Variants in GATAD2B observed in about 807,000 individuals in gnomAD.
GATAD2B encodes transcriptional repressor p66-beta.
A neutral mutation model predicts 64.3 loss-of-function variants in GATAD2B; 8 were observed. The ratio of observed to expected loss-of-function variants is 0.12; its 90% confidence interval spans 0.07 to 0.22. The LOEUF (loss-of-function observed/expected upper bound fraction) is 0.22, where lower values mean the gene tolerates loss of function less well. GATAD2B is among the 10% of genes least tolerant of loss of function. The probability of loss-of-function intolerance (pLI) is 1.00; values close to 1 mark genes in which losing one functional copy is unlikely to be tolerated. For synonymous variants in GATAD2B, 281 were observed against 271.3 expected, an observed-to-expected ratio of 1.04 and a Z score of -0.35; for missense variants, 453 against 752.0, an observed-to-expected ratio of 0.60 and a Z score of 4.65.
intron 5 of GATAD2B, 95 bp downstream of exon 5, chr1:153,817,945 G>T (rs1674540950): frequency 9.0e-7 from 1 of 1,107,886 alleles, no homozygotes; most frequent in East Asian, 2.7e-5. Context: ...CCTCTATCAT[G>T]GCCAGGTTCT....
chr1:153,875,921 G>A (rs780675961), intron 1 of GATAD2B, among the ~76,000 whole-genome samples: 7 of 151,956 alleles, frequency 4.6e-5, no homozygotes, highest in Non-Finnish European at 7.4e-5. Flanking sequence ...GATAAACTGA[G>A]TAACTTCATA....
intron 1 of GATAD2B, among the ~76,000 whole-genome samples, chr1:153,847,661 G>C (rs1212011945): frequency 6.6e-6 from 1 of 151,786 alleles, no homozygotes; most frequent in Non-Finnish European, 1.5e-5. Flanking sequence ...CATATACTTA[G>C]AAATTCTGTG....
At chr1:153,904,487 C>A (rs1474995233) in intron 1 of GATAD2B, among the ~76,000 whole-genome samples, 1 of 151,972 alleles carries the variant, frequency 6.6e-6, no homozygotes, top group East Asian at 1.9e-4. Context: ...GTGCTCCAAC[C>A]ATAACAAAAT....
intron 1 of GATAD2B, among the ~76,000 whole-genome samples, chr1:153,899,480 T>C (rs576035460): frequency 2.2e-4 from 33 of 151,362 alleles, no homozygotes; most frequent in South Asian, 8.4e-4. Context: ...GGCAGGAAAA[T>C]TGCTTGAACC....
intron 1 of GATAD2B, among the ~76,000 whole-genome samples, chr1:153,853,793 A>G (rs1675990899): frequency 6.6e-6 from 1 of 152,194 alleles, no homozygotes; most frequent in Non-Finnish European, 1.5e-5. Context: ...ACAGTACAAG[A>G]TAATTTCATT....
Position 153,816,059 on chromosome 1 carries a change from A to AACACACACACACACACACAC in GATAD2B, c.1216+194_1216+213dup, listed in dbSNP as rs71093286. Among the ~76,000 whole-genome samples, 79 of 141,880 alleles carry AACACACACACACACACACAC rather than the reference A, an allele frequency of 5.6e-4. No homozygotes were observed. Among genetic ancestry groups the AACACACACACACACACACAC allele is most frequent in the South Asian group, 2.1e-3 (9 of 4,294 alleles). The allele number at this position is 141,880 out of a possible 152,430, so 93.1% of individuals were successfully genotyped here. A position where few individuals can be genotyped will look rare whatever the true frequency, so the allele number is the denominator to read the frequency against. ...CAGAGCGAGACTGCATCTCAAACAAAACACACACACACACACACACACACA... is the reference window on the plus strand; with the variant it reads ...CAGAGCGAGACTGCATCTCAAACAAAACACACACACACACACACACACACACACACACACACACACACACA... On this transcript the variant is annotated intron_variant, in intron 7 of 10. Coordinates refer to ENST00000368655, the MANE Select transcript of GATAD2B (RefSeq NM_020699.4). The surrounding 1 kb of genome is among the most constrained non-coding windows in gnomAD (Gnocchi z 4.9).
intron 5 of GATAD2B, among the ~76,000 whole-genome samples, 160 bp from the exon 6 acceptor site, chr1:153,817,702 A>C (rs974710333): frequency 6.6e-6 from 1 of 152,166 alleles, no homozygotes; most frequent in Non-Finnish European, 1.5e-5. Flanking sequence ...CTATGGGATA[A>C]ATCTACCATC....
intron 1 of GATAD2B, among the ~76,000 whole-genome samples, chr1:153,837,391 C>T (rs938984143): frequency 6.2e-5 from 9 of 144,676 alleles, no homozygotes; most frequent in African/African-American, 2.3e-4. Context: ...AAAAAAAACA[C>T]AGTAGAATAG....
chr1:153,831,416 A>T (rs1420722326), intron 1 of GATAD2B, among the ~76,000 whole-genome samples: 3 of 152,146 alleles, frequency 2.0e-5, no homozygotes, highest in East Asian at 3.8e-4. Flanking sequence ...TGACGGGTTG[A>T]TAGCTGCTGC....
rs1674469810 is a variant in GATAD2B, at chr1:153,816,058, A to AC, written c.1216+214_1216+215insG. 3.0e-5 allele frequency among the ~76,000 whole-genome samples: 3 copies of AC among 98,872 alleles called. No homozygotes were observed. Among genetic ancestry groups the AC allele is most frequent in the Admixed American group, 1.1e-4 (1 of 8,808 alleles). 64.9% of individuals were successfully genotyped at this position (98,872 alleles called of 152,430 possible). A position where few individuals can be genotyped will look rare whatever the true frequency, so the allele number is the denominator to read the frequency against. On this transcript the variant is annotated intron_variant, in intron 7 of 10. Coordinates refer to ENST00000368655, the MANE Select transcript of GATAD2B (RefSeq NM_020699.4). This position sits in a 1 kb window ranked among gnomAD's most constrained non-coding sequence, Gnocchi z 4.9. ...ACAGAGCGAGACTGCATCTCAAACA[A>AC]AACACACACACACACACACACACAC...
intron 1 of GATAD2B, among the ~76,000 whole-genome samples, chr1:153,868,522 A>G (rs941144370): frequency 1.3e-5 from 2 of 152,192 alleles, no homozygotes; most frequent in East Asian, 3.9e-4. Context: ...TCTTTTTTAA[A>G]AAATTTAAAG....
chr1:153,909,737 A>G (rs1678057930), intron 1 of GATAD2B, among the ~76,000 whole-genome samples: 1 of 150,924 alleles, frequency 6.6e-6, no homozygotes, highest in Non-Finnish European at 1.5e-5. Flanking sequence ...CAGGAGTTCG[A>G]GACCAGCCTG....
intron 2 of GATAD2B, among the ~76,000 whole-genome samples, chr1:153,823,942 C>G (rs1164626555): frequency 1.3e-5 from 2 of 152,014 alleles, no homozygotes; most frequent in Non-Finnish European, 2.9e-5. Flanking sequence ...GTTGGCCAGG[C>G]TGGTCTCGAA....
At chr1:153,917,433 C>T (rs1571013104) in intron 1 of GATAD2B, among the ~76,000 whole-genome samples, 1 of 148,246 alleles carries the variant, frequency 6.7e-6, no homozygotes, top group African/African-American at 2.5e-5. Flanking sequence ...CTCACGCTAT[C>T]ACCCAGGCTG....
At chr1:153,849,902 GATTACAGGCATGAGCT>G (rs1458332613) in intron 1 of GATAD2B, among the ~76,000 whole-genome samples, 2 of 152,148 alleles carry the variant, frequency 1.3e-5, no homozygotes, top group African/African-American at 4.8e-5. Flanking sequence ...AAAGTGCTGG[GATTACAGGCATGAGCT>G]ACCATGCCTG....
Position 153,853,176 on chromosome 1 carries a change from G to GCAA in GATAD2B, c.-1-24831_-1-24829dup, listed in dbSNP as rs548305298. On this transcript the variant is annotated intron_variant, in intron 1 of 10. Transcript: ENST00000368655. ...TAGCCCCTTACAGACACGGATATTG[G>GCAA]CAACTGCAATTTGCAGCTCTAGCTT... 2.7e-3 allele frequency: 3,410 copies of GCAA among 1,281,992 alleles called. 16 individuals carry two copies. Among genetic ancestry groups the GCAA allele is most frequent in the Non-Finnish European group, 3.1e-3 (2,769 of 879,402 alleles). 79.4% of individuals were successfully genotyped at this position (1,281,992 alleles called of 1,614,324 possible). A position where few individuals can be genotyped will look rare whatever the true frequency, so the allele number is the denominator to read the frequency against.
intron 1 of GATAD2B, among the ~76,000 whole-genome samples, chr1:153,867,305 A>G (rs1676511341): frequency 6.6e-6 from 1 of 152,146 alleles, no homozygotes; most frequent in South Asian, 2.1e-4. Flanking sequence ...ATTATACTAC[A>G]ATATATCTGG....
intron 1 of GATAD2B, among the ~76,000 whole-genome samples, chr1:153,882,413 A>G (rs1677035621): frequency 6.6e-6 from 1 of 152,052 alleles, no homozygotes; most frequent in African/African-American, 2.4e-5. Flanking sequence ...GTATTCACTA[A>G]TTTTTCTTTT....
chr1:153,903,641 A>G (rs1297003061), intron 1 of GATAD2B, among the ~76,000 whole-genome samples: 1 of 152,210 alleles, frequency 6.6e-6, no homozygotes, highest in East Asian at 1.9e-4. Context: ...GACATATTAC[A>G]ATATACCTAA....
Sources: allele counts gnomAD v4.1 joint callset (sites outside exome capture counted in the v4.1 genomes callset), GRCh38; gene constraint gnomAD v4.1.1; non-coding constraint Gnocchi (gnomAD v3.1); transcripts MANE v1.5; gene names NCBI Gene and HGNC (gene_info 2026-07-23, HGNC 2026-07-21).